Variants in GPHN observed in about 807,000 individuals in gnomAD.
GPHN encodes gephyrin.
GPHN carries 17 observed loss-of-function variants against 95.5 expected under a neutral mutation model. The ratio of observed to expected loss-of-function variants is 0.18; its 90% CI spans 0.12 to 0.27. GPHN has a LOEUF of 0.27. GPHN is among the 10% of genes least tolerant of loss of function. The pLI, the probability that GPHN is intolerant of heterozygous loss-of-function variation, is 1.00. For missense variants in GPHN, 660 were observed against 978.1 expected (o/e 0.67, Z 4.34); for synonymous variants, 320 against 322.5 (o/e 0.99, Z 0.08).
the GPHN span, chr14:67,729,291 C>A: frequency 6.2e-7 from 1 of 1,604,320 alleles, no homozygotes; most frequent in Non-Finnish European, 8.5e-7. Context: ...TCTTCTCCCC[C>A]TTTGTCAAGA....
chr14:67,537,501 C>T, the GPHN span, among the ~76,000 whole-genome samples: 1 of 151,236 alleles, frequency 6.6e-6, no homozygotes, highest in Non-Finnish European at 1.5e-5. Flanking sequence ...CTTGTCTTTA[C>T]AAAAAATACA....
intron 8 of GPHN, among the ~76,000 whole-genome samples, chr14:66,928,707 T>G (rs1348508328): frequency 6.6e-6 from 1 of 152,178 alleles, no homozygotes; most frequent in Non-Finnish European, 1.5e-5. Context: ...TAGGTTTTGG[T>G]GTTTTGTGTT....
chr14:66,634,104 A>G (rs1054334897), intron 1 of GPHN, among the ~76,000 whole-genome samples: 3 of 152,036 alleles, frequency 2.0e-5, no homozygotes, highest in Non-Finnish European at 2.9e-5. Flanking sequence ...GGCATTTGAC[A>G]TATTTTCTTT....
At chr14:67,164,073 A>C (rs971913138) in intron 19 of GPHN, among the ~76,000 whole-genome samples, 55 of 151,956 alleles carry the variant, frequency 3.6e-4, no homozygotes, top group African/African-American at 1.3e-3. Flanking sequence ...GTTCAAGACC[A>C]GCCTGACCAA....
At chr14:66,917,232 TA>T (rs938315132) in intron 6 of GPHN, among the ~76,000 whole-genome samples, 2 of 152,064 alleles carry the variant, frequency 1.3e-5, no homozygotes, top group African/African-American at 4.8e-5. Flanking sequence ...ACCTAAAAAA[TA>T]AAAGTCAAAA....
chr14:67,401,995 G>C, the GPHN span, among the ~76,000 whole-genome samples: 18 of 152,134 alleles, frequency 1.2e-4, no homozygotes, highest in African/African-American at 4.3e-4. Flanking sequence ...GCTGGGCATG[G>C]TGGCACATGC....
At chr14:67,586,222 G>C in the GPHN span, 1 of 1,226,844 alleles carries the variant, frequency 8.2e-7, no homozygotes, top group Non-Finnish European at 1.2e-6. Context: ...TGTTGGTCTT[G>C]TCTGTAATTA....
At chr14:67,363,781 T>A in the GPHN span, among the ~76,000 whole-genome samples, 2 of 152,200 alleles carry the variant, frequency 1.3e-5, no homozygotes, top group South Asian at 4.1e-4. Context: ...AATTAATAAG[T>A]TATTATATGA....
intron 3 of GPHN, among the ~76,000 whole-genome samples, chr14:66,796,864 C>T (rs1327446009): frequency 6.6e-6 from 1 of 151,970 alleles, no homozygotes; most frequent in East Asian, 1.9e-4. Flanking sequence ...GTTACCTATG[C>T]TTGTGGAGTG....
chr14:67,271,505 GTCCAACT>G, the GPHN span: 1 of 152,210 alleles, frequency 6.6e-6, no homozygotes, highest in Non-Finnish European at 1.5e-5. Flanking sequence ...AATAGCAGTA[GTCCAACT>G]TGATCAAGAA....
the GPHN span, chr14:67,392,606 TTG>T: frequency 2.0e-6 from 3 of 1,507,078 alleles, no homozygotes; most frequent in Non-Finnish European, 2.7e-6. Context: ...CCCCATTCTG[TTG>T]TGTCTTCCTT....
the GPHN span, chr14:67,593,847 G>C: frequency 6.2e-7 from 1 of 1,612,480 alleles, no homozygotes; most frequent in Non-Finnish European, 8.5e-7. Flanking sequence ...TGAATGCCAA[G>C]GGAATCAATG....
the GPHN span, among the ~76,000 whole-genome samples, chr14:67,657,673 A>G: frequency 6.6e-6 from 1 of 151,804 alleles, no homozygotes; most frequent in African/African-American, 2.4e-5. Context: ...AGAGCAAGTG[A>G]CCACTGGCAG....
chr14:67,072,363 A>G (rs1279273077), intron 11 of GPHN, among the ~76,000 whole-genome samples: 3 of 152,136 alleles, frequency 2.0e-5, no homozygotes, highest in Admixed American at 2.0e-4. Flanking sequence ...CTTAGGTGAC[A>G]GTAAAGGATT....
intron 2 of GPHN, among the ~76,000 whole-genome samples, chr14:66,683,851 C>T (rs1230339797): frequency 2.0e-5 from 3 of 151,624 alleles, no homozygotes; most frequent in African/African-American, 2.4e-5. Flanking sequence ...GTGGCGGGCA[C>T]CTGTAGTCCC....
chr14:67,449,314 GAT>G, the GPHN span, among the ~76,000 whole-genome samples: 1 of 152,198 alleles, frequency 6.6e-6, no homozygotes, highest in African/African-American at 2.4e-5. Context: ...GGCTGCATTG[GAT>G]ATGATCCACT....
the GPHN span, among the ~76,000 whole-genome samples, chr14:67,430,472 GC>G: frequency 8.5e-5 from 13 of 152,206 alleles, no homozygotes; most frequent in African/African-American, 3.1e-4. Flanking sequence ...AGCAGAAAGA[GC>G]CTTCCCACGT....
the GPHN span, among the ~76,000 whole-genome samples, chr14:67,671,060 A>G: frequency 1.3e-5 from 2 of 152,236 alleles, no homozygotes; most frequent in African/African-American, 4.8e-5. Context: ...TTCAGAGATG[A>G]GGCACCATGT....
At chr14:66,555,905 A>T (rs1039089409) in intron 1 of GPHN, among the ~76,000 whole-genome samples, 2 of 152,124 alleles carry the variant, frequency 1.3e-5, no homozygotes, top group African/African-American at 4.8e-5. Context: ...ATGGGGATGT[A>T]TTCTGAGAAA....
Sources: allele counts gnomAD v4.1 joint callset (sites outside exome capture counted in the v4.1 genomes callset), GRCh38; gene constraint gnomAD v4.1.1; transcripts MANE v1.5; gene names NCBI Gene and HGNC (gene_info 2026-07-23, HGNC 2026-07-21).